Variants in CNTNAP2 observed in about 807,000 individuals in gnomAD.
The protein encoded by CNTNAP2 is contactin-associated protein-like 2.
CNTNAP2 carries 98 observed loss-of-function variants against 155.2 expected under a neutral mutation model. The observed-to-expected ratio is 0.63, with a 90% confidence interval of 0.54 to 0.75. The LOEUF is 0.75. Ranked by LOEUF, CNTNAP2 falls within the 30% of genes least tolerant of loss-of-function variation. The pLI, the probability that CNTNAP2 is intolerant of heterozygous loss-of-function variation, is 0.00. For missense variants in CNTNAP2, 1,727 were observed against 1,688.1 expected (o/e 1.02, Z -0.40); for synonymous variants, 651 against 631.2 (o/e 1.03, Z -0.47).
At chr7:146,945,201 TTATC>T (rs1797138253) in intron 3 of CNTNAP2, among the ~76,000 whole-genome samples, 1 of 152,230 alleles carries the variant, frequency 6.6e-6, no homozygotes, top group Non-Finnish European at 1.5e-5. Context: ...TCTGCACCCT[TTATC>T]TAACATCTGT....
At chr7:147,043,858 G>T in intron 3 of CNTNAP2, 49 bp from the exon 4 acceptor site, 1 of 1,605,388 alleles carries the variant, frequency 6.2e-7, no homozygotes, top group East Asian at 2.2e-5. Flanking sequence ...GGACATGATT[G>T]TTTCTAAAGT....
intron 1 of CNTNAP2, among the ~76,000 whole-genome samples, chr7:146,228,015 AC>A (rs1799323822): frequency 6.6e-6 from 1 of 152,182 alleles, no homozygotes; most frequent in Admixed American, 6.5e-5. Context: ...TCCACTTCCT[AC>A]AAAGCATGCA....
intron 13 of CNTNAP2, among the ~76,000 whole-genome samples, chr7:147,876,521 T>A (rs1163208975): frequency 1.3e-5 from 2 of 152,180 alleles, no homozygotes. Context: ...CCCTCTTCAA[T>A]AACACCAGAT....
At chr7:146,776,803 C>T (rs560684936) in intron 2 of CNTNAP2, among the ~76,000 whole-genome samples, 1 of 152,164 alleles carries the variant, frequency 6.6e-6, no homozygotes, top group African/African-American at 2.4e-5. Flanking sequence ...TACCACTTTA[C>T]ACCATTTAGA....
chr7:148,380,083 G>C (rs73154573), intron 21 of CNTNAP2, among the ~76,000 whole-genome samples: 1 of 151,978 alleles, frequency 6.6e-6, no homozygotes, highest in South Asian at 2.1e-4. Context: ...AGACATTAAC[G>C]TACTGATTGC....
At chr7:147,087,867 C>G (rs1158163054) in intron 4 of CNTNAP2, among the ~76,000 whole-genome samples, 1 of 152,080 alleles carries the variant, frequency 6.6e-6, no homozygotes, top group East Asian at 1.9e-4. Flanking sequence ...GTCCCAGCTA[C>G]TTGGGAGGCT....
chr7:146,509,230 G>A (rs1331563291), intron 1 of CNTNAP2, among the ~76,000 whole-genome samples: 1 of 152,178 alleles, frequency 6.6e-6, no homozygotes, highest in Non-Finnish European at 1.5e-5. Flanking sequence ...CTCTGGCATA[G>A]TCCCACACCA....
chr7:148,406,473 C>T (rs950090587), intron 22 of CNTNAP2, among the ~76,000 whole-genome samples: 15 of 152,248 alleles, frequency 9.9e-5, no homozygotes, highest in Middle Eastern at 6.8e-3. Context: ...TCCCATAGTC[C>T]CAACCCAAGC....
intron 9 of CNTNAP2, among the ~76,000 whole-genome samples, chr7:147,331,762 C>T (rs1170781525): frequency 6.6e-6 from 1 of 152,124 alleles, no homozygotes; most frequent in Non-Finnish European, 1.5e-5. Flanking sequence ...TAGAAGTGTT[C>T]TCCTTTTGGC....
intron 12 of CNTNAP2, among the ~76,000 whole-genome samples, chr7:147,609,358 C>G (rs967148180): frequency 6.6e-6 from 1 of 152,034 alleles, no homozygotes; most frequent in Non-Finnish European, 1.5e-5. Context: ...GGTGAAACCC[C>G]GTCTCCACTA....
intron 13 of CNTNAP2, among the ~76,000 whole-genome samples, chr7:147,799,259 A>G (rs851684): frequency 2.4e-4 from 37 of 152,270 alleles, no homozygotes; most frequent in African/African-American, 8.9e-4. Context: ...CTCCAGGAGG[A>G]AAGATGAAGT....
chr7:147,356,270 T>G (rs967252269), intron 9 of CNTNAP2, among the ~76,000 whole-genome samples: 1 of 152,116 alleles, frequency 6.6e-6, no homozygotes, highest in Non-Finnish European at 1.5e-5. Context: ...AAAGTAGGTA[T>G]TGATGGAAGG....
chr7:146,356,384 T>C (rs1329180207), intron 1 of CNTNAP2, among the ~76,000 whole-genome samples: 1 of 152,150 alleles, frequency 6.6e-6, no homozygotes, highest in African/African-American at 2.4e-5. Flanking sequence ...TTATTGCCCA[T>C]TAATTAATAG....
intron 15 of CNTNAP2, among the ~76,000 whole-genome samples, chr7:147,979,785 A>G (rs6965400): frequency 0.46 from 69,014 of 151,298 alleles, 16,344 homozygotes; most frequent in East Asian, 0.75. Context: ...ACCATGCCCG[A>G]CTGATTTTTG....
chr7:147,070,233 A>G (rs935312816), intron 4 of CNTNAP2, among the ~76,000 whole-genome samples: 28 of 152,226 alleles, frequency 1.8e-4, no homozygotes, highest in African/African-American at 4.6e-4. Context: ...AATTAGGTAT[A>G]TAGCATAGTC....
intron 1 of CNTNAP2, among the ~76,000 whole-genome samples, chr7:146,304,408 C>T (rs559776994): frequency 1.3e-5 from 2 of 152,082 alleles, no homozygotes; most frequent in South Asian, 2.1e-4. Context: ...TGGCTGGTAC[C>T]GGTTGTTCCT....
At chr7:147,666,166 C>T (rs1350234994) in intron 13 of CNTNAP2, among the ~76,000 whole-genome samples, 2 of 152,146 alleles carry the variant, frequency 1.3e-5, no homozygotes, top group Non-Finnish European at 2.9e-5. Flanking sequence ...TATCAAAAAT[C>T]ACCCGAAATA....
At chr7:147,924,270 C>T (rs1800343450) in intron 14 of CNTNAP2, among the ~76,000 whole-genome samples, 1 of 151,862 alleles carries the variant, frequency 6.6e-6, no homozygotes, top group South Asian at 2.1e-4. Context: ...TCCCGAGTAG[C>T]TGGGATTACA....
Position 147,272,643 on chromosome 7 carries a change from C to T in CNTNAP2, c.1349-27498C>T, listed in dbSNP as rs543417696. Among the ~76,000 whole-genome samples the T allele has an allele frequency of 6.0e-5, 9 of 151,184 alleles. No individual in the cohort carries two copies. In the East Asian group the frequency reaches 7.8e-4, roughly 13 times the overall value. Reference sequence around the variant, plus strand: ...CCTCTCGAGTAGCTGGGACTACAGGCGCCGCCACCACGCCCGGCTAATTTT... The same window carrying T: ...CCTCTCGAGTAGCTGGGACTACAGGTGCCGCCACCACGCCCGGCTAATTTT... On this transcript the variant is annotated intron_variant, in intron 8 of 23. Transcript: ENST00000361727.
Sources: gnomAD v4.1 joint callset for allele counts (sites outside exome capture counted in the v4.1 genomes callset) on GRCh38, gnomAD v4.1.1 for gene constraint, MANE v1.5 for transcripts, NCBI Gene and HGNC (gene_info 2026-07-23, HGNC 2026-07-21) for gene names.